The following STPG2 variants were observed in gnomAD, a reference collection of about 807,000 sequenced individuals.
The protein encoded by STPG2 is sperm tail PG-rich repeat containing 2, also known as sperm-tail PG-rich repeat-containing protein 2.
A neutral mutation model predicts 54.2 loss-of-function variants in STPG2; 56 were observed. The ratio of observed to expected loss-of-function variants is 1.03; its 90% CI spans 0.83 to 1.29. The LOEUF is 1.29. Ranked by LOEUF, STPG2 falls within the 50% of genes most tolerant of loss-of-function variation. The probability of loss-of-function intolerance (pLI) is 0.00; values close to 1 mark genes in which losing one functional copy is unlikely to be tolerated. For synonymous variants in STPG2, 200 were observed against 181.8 expected (o/e 1.10, Z -0.81); for missense variants, 596 against 544.9 (o/e 1.09, Z -0.93).
intron 4 of STPG2, among the ~76,000 whole-genome samples, chr4:97,495,585 C>G (rs1245610821): frequency 6.6e-6 from 1 of 150,620 alleles, no homozygotes; most frequent in Non-Finnish European, 1.5e-5. Context: ...TAAGGAAATG[C>G]AGGTAAACTC....
intron 10 of STPG2, among the ~76,000 whole-genome samples, chr4:97,568,928 T>C (rs1206320646): frequency 2.0e-5 from 3 of 151,996 alleles, no homozygotes; most frequent in African/African-American, 7.2e-5. Flanking sequence ...TTGTTTTGTT[T>C]TGCAGTTGTT....
intron 10 of STPG2, among the ~76,000 whole-genome samples, chr4:97,676,820 T>G (rs1722866072): frequency 6.6e-6 from 1 of 152,176 alleles, no homozygotes; most frequent in African/African-American, 2.4e-5. Context: ...AATCATTAGC[T>G]GCACTGCCAC....
chr4:97,820,766 G>C (rs951042535), intron 9 of STPG2, among the ~76,000 whole-genome samples: 10 of 152,086 alleles, frequency 6.6e-5, no homozygotes, highest in Admixed American at 6.5e-5. Flanking sequence ...CACATGGTGG[G>C]AGCAGCACAA....
intron 9 of STPG2, among the ~76,000 whole-genome samples, chr4:97,730,332 T>C (rs1223052758): frequency 6.6e-6 from 1 of 152,198 alleles, no homozygotes; most frequent in Non-Finnish European, 1.5e-5. Flanking sequence ...AAGGACATGA[T>C]TTCATTCTTT....
At chr4:97,936,319 G>A (rs1486219180) in intron 8 of STPG2, among the ~76,000 whole-genome samples, 1 of 152,018 alleles carries the variant, frequency 6.6e-6, no homozygotes, top group Non-Finnish European at 1.5e-5. Context: ...GATGATTTGG[G>A]ACACTATCCA....
At chr4:97,582,590 T>C (rs1260564221) in intron 10 of STPG2, among the ~76,000 whole-genome samples, 1 of 152,096 alleles carries the variant, frequency 6.6e-6, no homozygotes, top group Non-Finnish European at 1.5e-5. Context: ...ATATGAAATA[T>C]GATTTCTCAG....
chr4:97,494,770 C>T (rs1161193435), intron 4 of STPG2, among the ~76,000 whole-genome samples: 1 of 151,378 alleles, frequency 6.6e-6, no homozygotes, highest in Non-Finnish European at 1.5e-5. Context: ...GACCAGGAAG[C>T]AACCAGTGGT....
At position 97,689,083 on chromosome 4, in the gene STPG2, G is replaced by T. The variant is rs150809462; in HGVS notation, c.1320+23616C>A. 1.0e-2 allele frequency among the ~76,000 whole-genome samples: 1,520 copies of T among 152,170 alleles called. 12 individuals carry two copies. Among genetic ancestry groups the T allele is most frequent in the Admixed American group, 0.015 (231 of 15,282 alleles). ...GGCTAAATAACCTCTACATACAACT[G>T]AATGTGCTGTCTGAGGTGGTTTTAC... On this transcript the variant is annotated intron_variant, in intron 10 of 10. Coordinates refer to ENST00000295268, the MANE Select transcript of STPG2 (RefSeq NM_174952.3).
At chr4:97,450,288 T>A (rs942813153) in intron 4 of STPG2, among the ~76,000 whole-genome samples, 1 of 152,234 alleles carries the variant, frequency 6.6e-6, no homozygotes, top group African/African-American at 2.4e-5. Flanking sequence ...TTATTTATTC[T>A]GTGAGTGAAC....
chr4:97,850,151 C>T (rs1206716698), intron 8 of STPG2, among the ~76,000 whole-genome samples: 1 of 149,604 alleles, frequency 6.7e-6, no homozygotes, highest in Non-Finnish European at 1.5e-5. Flanking sequence ...AACCATCATT[C>T]TCAGTAAACT....
intron 9 of STPG2, among the ~76,000 whole-genome samples, chr4:97,742,060 T>C (rs1478832802): frequency 6.6e-6 from 1 of 152,066 alleles, no homozygotes; most frequent in Non-Finnish European, 1.5e-5. Context: ...TCATGTCCTT[T>C]GTAGGGACAT....
At chr4:97,792,019 G>T (rs1251620588) in intron 9 of STPG2, among the ~76,000 whole-genome samples, 1 of 151,634 alleles carries the variant, frequency 6.6e-6, no homozygotes, top group Non-Finnish European at 1.5e-5. Flanking sequence ...GTAGAGAAAA[G>T]ACAAATCACC....
At chr4:97,539,665 A>T (rs1731642002) in intron 4 of STPG2, among the ~76,000 whole-genome samples, 1 of 152,200 alleles carries the variant, frequency 6.6e-6, no homozygotes. Flanking sequence ...ATATCCAGGA[A>T]TTGAACTCAG....
intron 4 of STPG2, among the ~76,000 whole-genome samples, chr4:97,521,541 C>T (rs544071867): frequency 4.6e-5 from 7 of 151,928 alleles, no homozygotes; most frequent in South Asian, 4.1e-4. Flanking sequence ...GACAAGATGA[C>T]GCGAATATGA....
intron 8 of STPG2, among the ~76,000 whole-genome samples, chr4:97,899,396 C>T (rs1036653670): frequency 6.6e-6 from 1 of 151,910 alleles, no homozygotes; most frequent in African/African-American, 2.4e-5. Flanking sequence ...GGCCATACTG[C>T]CCAAAGCAAT....
chr4:97,511,088 A>T (rs1024206555), intron 4 of STPG2, among the ~76,000 whole-genome samples: 1 of 152,174 alleles, frequency 6.6e-6, no homozygotes, highest in African/African-American at 2.4e-5. Flanking sequence ...GAAAATGTAT[A>T]GTAAGATTTA....
intron 8 of STPG2, among the ~76,000 whole-genome samples, chr4:97,874,023 A>C (rs1403422147): frequency 1.3e-5 from 2 of 151,572 alleles, no homozygotes; most frequent in Non-Finnish European, 3.0e-5. Flanking sequence ...GGATAAGTAG[A>C]ATGGACATAA....
chr4:97,904,608 A>G (rs1731325326), intron 8 of STPG2, among the ~76,000 whole-genome samples: 1 of 152,248 alleles, frequency 6.6e-6, no homozygotes. Flanking sequence ...CTGGACAGAG[A>G]ATGACTTTGA....
chr4:97,994,745 T>C (rs1192198893), intron 5 of STPG2, among the ~76,000 whole-genome samples: 1 of 152,058 alleles, frequency 6.6e-6, no homozygotes, highest in Non-Finnish European at 1.5e-5. Context: ...TGATTGTATT[T>C]TTGTTAAGTG....
Sources: gnomAD v4.1 joint callset for allele counts (sites outside exome capture counted in the v4.1 genomes callset) on GRCh38, gnomAD v4.1.1 for gene constraint, MANE v1.5 for transcripts, NCBI Gene and HGNC (gene_info 2026-07-23, HGNC 2026-07-21) for gene names.